Variants in ZNF362 observed in about 807,000 individuals in gnomAD.
ZNF362 encodes zinc finger protein 362, also known as rotund homolog.
A neutral mutation model predicts 42.9 loss-of-function variants in ZNF362; 11 were observed. The ratio of observed to expected loss-of-function variants is 0.26; its 90% confidence interval spans 0.16 to 0.42. The LOEUF is 0.42. Ranked by LOEUF, ZNF362 falls within the 20% of genes least tolerant of loss-of-function variation. The pLI is 1.00. For missense variants in ZNF362, 362 were observed against 576.2 expected (o/e 0.63, Z 3.81); for synonymous variants, 255 against 257.3 (o/e 0.99, Z 0.09).
the ZNF362 span, among the ~76,000 whole-genome samples, chr1:33,241,363 C>T: frequency 5.9e-5 from 9 of 151,630 alleles, no homozygotes; most frequent in Admixed American, 1.3e-4. Context: ...GGTGTGGGGG[C>T]GGGTGCCTGT....
chr1:33,244,217 T>C, the ZNF362 span, among the ~76,000 whole-genome samples: 1 of 151,794 alleles, frequency 6.6e-6, no homozygotes, highest in Non-Finnish European at 1.5e-5. This position sits in a 1 kb window ranked among gnomAD's most constrained non-coding sequence, Gnocchi z 4.0. Flanking sequence ...AGATGTGTGT[T>C]CTAGTATCAG....
At chr1:33,261,392 T>C (rs900545946) in intron 1 of ZNF362, 2 of 152,242 alleles carry the variant, frequency 1.3e-5, no homozygotes, top group African/African-American at 4.8e-5. Context: ...GTTAGTGTCA[T>C]GGTTTCCCAG....
intron 1 of ZNF362, among the ~76,000 whole-genome samples, chr1:33,263,154 A>G (rs1304517563): frequency 6.6e-6 from 1 of 152,240 alleles, no homozygotes; most frequent in Non-Finnish European, 1.5e-5. Flanking sequence ...ATAGCCTCAA[A>G]TTCTAGCCGT....
the ZNF362 span, chr1:33,194,981 A>T: frequency 6.6e-6 from 1 of 152,322 alleles, no homozygotes; most frequent in South Asian, 2.1e-4. Flanking sequence ...TTGAGTTCTG[A>T]GTAGAATAAA....
chr1:33,254,206 A>T (rs1306785210), upstream of ZNF362, among the ~76,000 whole-genome samples: 1 of 151,520 alleles, frequency 6.6e-6, no homozygotes, highest in East Asian at 1.9e-4. Context: ...GGCTCACTGC[A>T]ACTTCCACCT....
chr1:33,165,210 G>A, the ZNF362 span: 1 of 362,756 alleles, frequency 2.8e-6, no homozygotes, highest in Non-Finnish European at 5.0e-6. The surrounding 1 kb of genome is among the most constrained non-coding windows in gnomAD (Gnocchi z 4.0). Context: ...AAAGTGGGAA[G>A]GGAGAAATGG....
chr1:33,189,663 A>ATG, the ZNF362 span, among the ~76,000 whole-genome samples: 54 of 25,364 alleles, frequency 2.1e-3, 1 homozygote, highest in African/African-American at 4.2e-3. Flanking sequence ...ATATATATAT[A>ATG]TATATATATG....
the ZNF362 span, among the ~76,000 whole-genome samples, chr1:33,135,433 A>T: frequency 6.6e-6 from 1 of 152,158 alleles, no homozygotes; most frequent in Non-Finnish European, 1.5e-5. Flanking sequence ...GTAAGAGACC[A>T]CCTGGCACGT....
the ZNF362 span, among the ~76,000 whole-genome samples, chr1:33,226,033 T>C: frequency 1 from 151,907 of 152,262 alleles, 75,776 homozygotes; most frequent in Middle Eastern, 1. Flanking sequence ...TTAGACTGAT[T>C]ATGATTTGTC....
chr1:33,192,250 C>G, the ZNF362 span, among the ~76,000 whole-genome samples: 378 of 152,336 alleles, frequency 2.5e-3, 2 homozygotes, highest in Non-Finnish European at 4.6e-3. Flanking sequence ...GCCTCCACAT[C>G]TCTCAGATGT....
the ZNF362 span, among the ~76,000 whole-genome samples, chr1:33,143,384 C>G: frequency 6.6e-6 from 1 of 152,120 alleles, no homozygotes; most frequent in Non-Finnish European, 1.5e-5. Flanking sequence ...GAAGGCTGAG[C>G]AAAGACAGAT....
chr1:33,196,972 C>A, the ZNF362 span, among the ~76,000 whole-genome samples: 1 of 152,146 alleles, frequency 6.6e-6, no homozygotes, highest in East Asian at 1.9e-4. Flanking sequence ...GAGGAAGACC[C>A]ACCCTCAATG....
At chr1:33,257,893 C>G (rs1645804664) in intron 1 of ZNF362, among the ~76,000 whole-genome samples, 1 of 152,076 alleles carries the variant, frequency 6.6e-6, no homozygotes, top group Non-Finnish European at 1.5e-5. Flanking sequence ...ACCCTTGGAC[C>G]CTGAGGCAAG....
At chr1:33,162,646 C>T in the ZNF362 span, among the ~76,000 whole-genome samples, 1 of 152,192 alleles carries the variant, frequency 6.6e-6, no homozygotes, top group Non-Finnish European at 1.5e-5. Context: ...AGCTTCTTTC[C>T]AGGCTGGGGT....
At chr1:33,158,290 G>A in the ZNF362 span, 11 of 1,614,090 alleles carry the variant, frequency 6.8e-6, no homozygotes, top group African/African-American at 1.1e-4. Context: ...TCCAGATGGT[G>A]TACTGCAGGG....
Position 33,276,112 on chromosome 1 carries a change from T to C in ZNF362, c.51T>C (p.Pro17=). 1 of 1,614,006 alleles carries C rather than the reference T, an allele frequency of 6.2e-7. No individual in the cohort carries two copies. The highest frequency in any genetic ancestry group is 8.5e-7 in the Non-Finnish European group (1 of 1,179,994). ...TCTCTTCCCGCAGGATGGCCGAGCC[T>C]CGATTTAACAACCCCTACTTCTGGC... ...SGKGHSRMAE[P]RFNNPYFWPP... Residue 17 remains proline, a synonymous_variant, in exon 3 of 9, where the codon CCT becomes CCC. Transcript: ENST00000539719.
At chr1:33,172,612 G>A in the ZNF362 span, among the ~76,000 whole-genome samples, 3 of 152,164 alleles carry the variant, frequency 2.0e-5, no homozygotes, top group Non-Finnish European at 4.4e-5. Context: ...GGGCTGTGGA[G>A]TCTGCGCAGC....
At chr1:33,174,918 T>TAC in the ZNF362 span, among the ~76,000 whole-genome samples, 18 of 137,380 alleles carry the variant, frequency 1.3e-4, no homozygotes, top group East Asian at 1.1e-3. Flanking sequence ...TATATATATA[T>TAC]ACACACACAC....
At chr1:33,256,858 C>A (rs1468599103) in intron 1 of ZNF362, among the ~76,000 whole-genome samples, 3 of 148,572 alleles carry the variant, frequency 2.0e-5, no homozygotes, top group Non-Finnish European at 4.5e-5. Flanking sequence ...GCGGGGCGCG[C>A]GGGGTAGGAA....
Sources: allele counts gnomAD v4.1 joint callset (sites outside exome capture counted in the v4.1 genomes callset), GRCh38; gene constraint gnomAD v4.1.1; non-coding constraint Gnocchi (gnomAD v3.1); transcripts MANE v1.5; gene names NCBI Gene and HGNC (gene_info 2026-07-23, HGNC 2026-07-21).